Variants in MAPK6 observed in about 807,000 individuals in gnomAD.
MAPK6 encodes the protein ERK-3.
In MAPK6, 19 loss-of-function variants were observed where a neutral mutation model predicts 59.3. That is an observed-to-expected ratio of 0.32 (90% confidence interval 0.22 to 0.47). MAPK6 has a LOEUF of 0.47. MAPK6 is among the 20% of genes least tolerant of loss of function. The pLI is 1.00. For missense variants in MAPK6, 724 were observed against 847.9 expected (o/e 0.85, Z 1.81); for synonymous variants, 316 against 290.3 (o/e 1.09, Z -0.90).
At chr15:52,022,756 C>A (rs1335710917) in intron 1 of MAPK6, among the ~76,000 whole-genome samples, 1 of 151,926 alleles carries the variant, frequency 6.6e-6, no homozygotes, top group Non-Finnish European at 1.5e-5. Flanking sequence ...AGAGGTTTAA[C>A]GTATTTTCGG....
chr15:52,040,066 A>T (rs1365675177), intron 1 of MAPK6, among the ~76,000 whole-genome samples: 1 of 152,212 alleles, frequency 6.6e-6, no homozygotes, highest in Non-Finnish European at 1.5e-5. Flanking sequence ...ATACATTAGG[A>T]GCAAGGGCTT....
intron 3 of MAPK6, among the ~76,000 whole-genome samples, chr15:52,014,080 T>C (rs1470835205): frequency 6.6e-6 from 1 of 152,096 alleles, no homozygotes; most frequent in Non-Finnish European, 1.5e-5. Flanking sequence ...TTTTTTTTTT[T>C]TTTCCAGATA....
At chr15:51,980,530 G>C (rs188279866) in intron 1 of MAPK6, among the ~76,000 whole-genome samples, 20 of 147,684 alleles carry the variant, frequency 1.4e-4, no homozygotes, top group East Asian at 3.9e-4. Context: ...CATAAACTGG[G>C]CATCACATTA....
chr15:51,979,843 A>T (rs1361775914), intron 1 of MAPK6, among the ~76,000 whole-genome samples: 1 of 151,744 alleles, frequency 6.6e-6, no homozygotes, highest in African/African-American at 2.4e-5. Context: ...TCTAGCATGT[A>T]AACAGAGAGA....
chr15:52,055,149 T>C (rs1328605308), intron 3 of MAPK6, among the ~76,000 whole-genome samples: 1 of 152,194 alleles, frequency 6.6e-6, no homozygotes, highest in Non-Finnish European at 1.5e-5. Flanking sequence ...GGCTAATACA[T>C]GTAATCCCAG....
At chr15:52,024,322 T>C (rs2141855377) in intron 1 of MAPK6, among the ~76,000 whole-genome samples, 1 of 152,284 alleles carries the variant, frequency 6.6e-6, no homozygotes, top group Middle Eastern at 3.4e-3. Context: ...CCTGGGAACT[T>C]GATAGACGTT....
rs200562261 is a variant in MAPK6, at chr15:52,058,809, C to T, written c.865+12C>T. On this transcript the variant is annotated intron_variant, in intron 4 of 5. Coordinates refer to ENST00000261845, the MANE Select transcript of MAPK6 (RefSeq NM_002748.4). The stretch of plus-strand genomic sequence containing the variant: ...AATTAGTCGAGAAGGTATTGTGACT[C>T]GAGAGTAACCCTCACGTTAATGCCT... The T allele has an allele frequency of 9.7e-4, 1,546 of 1,600,842 alleles. 2 individuals carry two copies. Among genetic ancestry groups the T allele is most frequent in the Non-Finnish European group, 1.1e-3 (1,347 of 1,172,154 alleles).
chr15:52,026,874 A>C (rs1239978681), intron 1 of MAPK6, among the ~76,000 whole-genome samples: 15 of 149,880 alleles, frequency 1.0e-4, no homozygotes, highest in Non-Finnish European at 1.3e-4. Flanking sequence ...ACATGATGAA[A>C]ACCCGTCTTT....
At chr15:52,037,154 G>A (rs1175130919) in intron 1 of MAPK6, among the ~76,000 whole-genome samples, 1 of 152,128 alleles carries the variant, frequency 6.6e-6, no homozygotes, top group African/African-American at 2.4e-5. Flanking sequence ...AGAAAAAAAA[G>A]TTGAACGTGG....
chr15:52,045,778 GA>G, intron 1 of MAPK6, 51 bp from the exon 2 acceptor site: 1 of 152,610 alleles, frequency 6.6e-6, no homozygotes. Context: ...CAAATTTGAA[GA>G]AAAGAGTATT....
intron 1 of MAPK6, among the ~76,000 whole-genome samples, chr15:51,982,820 T>A (rs2057178675): frequency 6.6e-6 from 1 of 152,246 alleles, no homozygotes; most frequent in Admixed American, 6.5e-5. Context: ...AGGAAATTTT[T>A]AAATTTTTTC....
In MAPK6 at chr15:52,046,769, T is replaced by A; in HGVS notation, c.309T>A (p.Ser103Arg). 6.2e-7 allele frequency: 1 copy of A among 1,614,088 alleles called. No homozygotes were observed. The change falls in exon 2 of 6, where the codon AGT becomes AGA. Residue 103 changes from serine (S) to arginine (R), a missense_variant. Around this residue, in one of 4 missense-constraint regions of MAPK6, gnomAD observed 87 missense variants for 93.0 expected, o/e 0.93. Transcript: ENST00000261845. ...TGGGCTCTCTTACGGAACTGAACAG[T>A]GTTTACATTGTTCAGGAGTACATGG... The part of the protein sequence containing the change: ...DDVGSLTELN[S>R]VYIVQEYMET...
Position 52,061,557 on chromosome 15 carries a change from G to A in MAPK6, c.1067+57G>A, listed in dbSNP as rs527585309. ...TTACTGAACTTTCAGTGGACCATAT[G>A]TAGTGAGTTTTTTTAAAATTATGTA... On this transcript the variant is annotated intron_variant, in intron 5 of 5. Transcript: ENST00000261845. 3.1e-5 allele frequency: 40 copies of A among 1,285,952 alleles called. No homozygotes were observed. The African/African-American group carries it at 4.3e-4, about 14-fold the overall frequency. 79.7% of individuals were successfully genotyped at this position (1,285,952 alleles called of 1,614,324 possible). A position where few individuals can be genotyped will look rare whatever the true frequency, so the allele number is the denominator to read the frequency against.
intron 5 of MAPK6, 23 bp from the exon 6 acceptor site, chr15:52,063,878 CG>C: frequency 2.0e-6 from 3 of 1,523,664 alleles, no homozygotes; most frequent in Non-Finnish European, 2.6e-6. Flanking sequence ...CGTAGAATAA[CG>C]CTAGTGTATT....
upstream of MAPK6, among the ~76,000 whole-genome samples, chr15:52,016,109 A>C (rs183898499): frequency 3.9e-3 from 187 of 48,114 alleles, no homozygotes; most frequent in African/African-American, 6.2e-3. Context: ...CACACACACA[A>C]ACTAAAACTG....
At chr15:52,061,609 T>G (rs2032203121) in intron 5 of MAPK6, 109 bp downstream of exon 5, 1 of 859,348 alleles carries the variant, frequency 1.2e-6, no homozygotes, top group East Asian at 2.7e-5. Flanking sequence ...TCTTAAAAAT[T>G]TAGTAATGTA....
chr15:52,054,383 G>T, intron 3 of MAPK6, among the ~76,000 whole-genome samples: 1 of 142,966 alleles, frequency 7.0e-6, no homozygotes, highest in African/African-American at 2.5e-5. Context: ...TGGGTGGGAC[G>T]GGAAGGGATT....
At chr15:51,974,294 T>C (rs565495551) in intron 1 of MAPK6, among the ~76,000 whole-genome samples, 29 of 151,714 alleles carry the variant, frequency 1.9e-4, no homozygotes, top group African/African-American at 7.0e-4. Context: ...ATAACTTCAT[T>C]TACCCCCAGA....
chr15:52,023,352 GGCTGTT>G (rs1190296424), intron 1 of MAPK6, among the ~76,000 whole-genome samples: 2 of 150,760 alleles, frequency 1.3e-5, no homozygotes, highest in African/African-American at 5.0e-5. Context: ...CTGTTTTGTG[GGCTGTT>G]GAACATTACA....
Sources: allele counts gnomAD v4.1 joint callset (sites outside exome capture counted in the v4.1 genomes callset), GRCh38; gene constraint gnomAD v4.1.1; regional missense constraint gnomAD v4.1.1; transcripts MANE v1.5; gene names NCBI Gene and HGNC (gene_info 2026-07-23, HGNC 2026-07-21).